NSUN3: variants seen among roughly 807,000 people sequenced by gnomAD.
NSUN3 encodes NOP2/Sun RNA methyltransferase 3.
In NSUN3, 24 loss-of-function variants were observed where a neutral mutation model predicts 36.8. That is an observed-to-expected ratio of 0.65 (90% confidence interval 0.47 to 0.92). NSUN3 has a LOEUF of 0.92. Among genes scored for constraint, NSUN3 ranks in the 40% least tolerant of loss-of-function variants. The pLI, the probability that NSUN3 is intolerant of heterozygous loss-of-function variation, is 0.00. For synonymous variants in NSUN3, 146 were observed against 145.2 expected (o/e 1.01, Z -0.04); for missense variants, 381 against 392.8 (o/e 0.97, Z 0.25).
At chr3:94,095,615 C>CA (rs1386413756) in intron 5 of NSUN3, among the ~76,000 whole-genome samples, 14 of 152,164 alleles carry the variant, frequency 9.2e-5, no homozygotes, top group African/African-American at 3.4e-4. Context: ...AGGACCTGGC[C>CA]ACTGAACATT....
chr3:94,068,564 C>G (rs1218471962), intron 2 of NSUN3, among the ~76,000 whole-genome samples: 1 of 152,026 alleles, frequency 6.6e-6, no homozygotes, highest in Non-Finnish European at 1.5e-5. Context: ...ATCCTGCCCT[C>G]AAATACATGT....
chr3:94,086,993 A>G (rs758891545), intron 3 of NSUN3, among the ~76,000 whole-genome samples: 2 of 152,244 alleles, frequency 1.3e-5, no homozygotes, highest in Non-Finnish European at 2.9e-5. Context: ...TTAGTAGGCT[A>G]TAAATATTTT....
intron 2 of NSUN3, among the ~76,000 whole-genome samples, chr3:94,071,100 AAGT>A (rs2077223488): frequency 2.6e-5 from 4 of 152,244 alleles, no homozygotes; most frequent in Non-Finnish European, 4.4e-5. Context: ...TTATAGTAAG[AAGT>A]AATATTCATT....
At chr3:94,109,960 T>G (rs1357880052) in intron 5 of NSUN3, among the ~76,000 whole-genome samples, 1 of 152,222 alleles carries the variant, frequency 6.6e-6, no homozygotes, top group East Asian at 1.9e-4. Flanking sequence ...GTTTTGCCTG[T>G]TCTCAAACTT....
chr3:94,114,138 G>A (rs1457884204), intron 5 of NSUN3, among the ~76,000 whole-genome samples: 2 of 152,082 alleles, frequency 1.3e-5, no homozygotes, highest in East Asian at 3.8e-4. Context: ...TACCTTCAAT[G>A]GGTATTTGAG....
chr3:94,105,638 G>C (rs999363308), intron 5 of NSUN3, among the ~76,000 whole-genome samples: 1 of 151,980 alleles, frequency 6.6e-6, no homozygotes, highest in Non-Finnish European at 1.5e-5. Flanking sequence ...GGGATGAACC[G>C]GAGACCCCCT....
In NSUN3 at chr3:94,130,971, G is replaced by A. The variant is rs2077506809; in HGVS notation, c.*4481G>A. On this transcript the variant is annotated 3_prime_UTR_variant, in exon 6 of 6. Transcript: ENST00000314622. The stretch of plus-strand genomic sequence containing the variant: ...GTCCCCAACCCAGCTAGAGTGCAGT[G>A]GTGTCATCATGGCTCACTGCAGCCT... 6.6e-6 allele frequency among the ~76,000 whole-genome samples: 1 copy of A among 151,900 alleles called. No individual in the cohort carries two copies. The highest frequency in any genetic ancestry group is 1.5e-5 in the Non-Finnish European group (1 of 67,990).
At chr3:94,103,545 T>TTA (rs1278449804) in intron 5 of NSUN3, among the ~76,000 whole-genome samples, 7 of 151,332 alleles carry the variant, frequency 4.6e-5, no homozygotes, top group East Asian at 1.9e-4. Flanking sequence ...GTAGAGTAAT[T>TTA]TATATATATA....
rs1576107182 is a variant in NSUN3 at position 94,129,998 on chromosome 3, C to T, written c.*3508C>T. On this transcript the variant is annotated 3_prime_UTR_variant, in exon 6 of 6. Coordinates refer to ENST00000314622, the MANE Select transcript of NSUN3 (RefSeq NM_022072.5). ...CTTGAACTCCTGACCTTGTCATCCA[C>T]CTGCCTCAGCCTCCCAAAGTGCTGG... 6.6e-6 allele frequency among the ~76,000 whole-genome samples: 1 copy of T among 152,220 alleles called. No individual in the cohort carries two copies. The highest frequency in any genetic ancestry group is 3.4e-3 in the Middle Eastern group (1 of 294).
intron 5 of NSUN3, among the ~76,000 whole-genome samples, chr3:94,114,758 C>G (rs1252114287): frequency 2.0e-5 from 3 of 152,296 alleles, no homozygotes; most frequent in African/African-American, 4.8e-5. Flanking sequence ...CCCTTACCCC[C>G]CTTCTGCCCT....
At chr3:94,102,202 T>TAAAAAA (rs5850923) in intron 5 of NSUN3, among the ~76,000 whole-genome samples, 3 of 101,558 alleles carry the variant, frequency 3.0e-5, no homozygotes, top group Non-Finnish European at 5.7e-5. Flanking sequence ...AAAGAAACGT[T>TAAAAAA]AAAAAAAAAA....
intron 5 of NSUN3, among the ~76,000 whole-genome samples, chr3:94,105,709 A>C (rs1161803504): frequency 6.6e-6 from 1 of 151,988 alleles, no homozygotes; most frequent in Non-Finnish European, 1.5e-5. Flanking sequence ...AAGCATGTAG[A>C]ATTTCACTTG....
intron 2 of NSUN3, among the ~76,000 whole-genome samples, chr3:94,083,767 T>C (rs1485000196): frequency 6.6e-6 from 1 of 152,136 alleles, no homozygotes; most frequent in Non-Finnish European, 1.5e-5. Context: ...TCAATTTAGT[T>C]CTCGGAAGTC....
intron 5 of NSUN3, among the ~76,000 whole-genome samples, chr3:94,110,172 G>A (rs1400086987): frequency 1.3e-5 from 2 of 152,038 alleles, no homozygotes; most frequent in African/African-American, 4.8e-5. Context: ...TAAGGCTTGA[G>A]GCCACTGTAT....
At chr3:94,068,218 T>C (rs1430710892) in intron 2 of NSUN3, among the ~76,000 whole-genome samples, 2 of 152,232 alleles carry the variant, frequency 1.3e-5, no homozygotes, top group Non-Finnish European at 2.9e-5. Context: ...ACAATGTGAA[T>C]GGAATGTTGT....
intron 3 of NSUN3, among the ~76,000 whole-genome samples, chr3:94,087,189 A>C (rs1214834764): frequency 1.3e-5 from 2 of 152,244 alleles, no homozygotes; most frequent in African/African-American, 4.8e-5. Context: ...TAAGAAGTAC[A>C]GATGTCTTCA....
chr3:94,070,321 T>C (rs2077220677), intron 2 of NSUN3, among the ~76,000 whole-genome samples: 1 of 151,906 alleles, frequency 6.6e-6, no homozygotes, highest in African/African-American at 2.4e-5. Context: ...ATTAGCTGGG[T>C]GTGGTGGTGC....
intron 5 of NSUN3, among the ~76,000 whole-genome samples, chr3:94,095,527 T>TA (rs1332456388): frequency 1.3e-5 from 2 of 152,192 alleles, no homozygotes; most frequent in African/African-American, 4.8e-5. Flanking sequence ...CATGTTTTGT[T>TA]ATTGTTCTGG....
At chr3:94,070,646 A>G (rs1013222651) in intron 2 of NSUN3, among the ~76,000 whole-genome samples, 7 of 152,316 alleles carry the variant, frequency 4.6e-5, no homozygotes, top group Non-Finnish European at 8.8e-5. Flanking sequence ...AAGGGGGCAC[A>G]TATTCTCCTT....
Sources: gnomAD v4.1 joint callset for allele counts (sites outside exome capture counted in the v4.1 genomes callset) on GRCh38, gnomAD v4.1.1 for gene constraint, MANE v1.5 for transcripts, NCBI Gene and HGNC (gene_info 2026-07-23, HGNC 2026-07-21) for gene names.